The following PPARGC1A variants were observed in gnomAD, a reference collection of about 807,000 sequenced individuals.
PPARGC1A encodes peroxisome proliferator-activated receptor gamma coactivator 1-alpha.
Under a neutral mutation model 88.7 loss-of-function variants are expected in PPARGC1A, and 25 were observed. That is an observed-to-expected ratio of 0.28 (90% CI 0.21 to 0.39). PPARGC1A has a LOEUF of 0.39. PPARGC1A is among the 10% of genes least tolerant of loss of function. PPARGC1A has a pLI of 1.00. For synonymous variants in PPARGC1A, 363 were observed against 355.6 expected (o/e 1.02, Z -0.24); for missense variants, 880 against 968.7 (o/e 0.91, Z 1.22).
At chr4:23,971,461 C>G in the PPARGC1A span, among the ~76,000 whole-genome samples, 1 of 152,124 alleles carries the variant, frequency 6.6e-6, no homozygotes, top group African/African-American at 2.4e-5. Flanking sequence ...GTAGTATTAA[C>G]TCACATGATC....
At chr4:24,392,799 G>A in the PPARGC1A span, among the ~76,000 whole-genome samples, 31 of 152,172 alleles carry the variant, frequency 2.0e-4, 1 homozygote, top group South Asian at 2.3e-3. Context: ...TTGCCTCAGC[G>A]CGCACAGGCT....
chr4:24,287,402 T>C, the PPARGC1A span, among the ~76,000 whole-genome samples: 8 of 152,138 alleles, frequency 5.3e-5, no homozygotes, highest in Non-Finnish European at 1.2e-4. Flanking sequence ...ACTTCTTTAA[T>C]GTTTAAGCCA....
the PPARGC1A span, among the ~76,000 whole-genome samples, chr4:24,420,779 T>C: frequency 2.0e-5 from 3 of 152,118 alleles, no homozygotes; most frequent in Non-Finnish European, 4.4e-5. Flanking sequence ...CCAGATGTCT[T>C]GGTCTGCTTG....
In PPARGC1A at chr4:23,844,728, A is replaced by AAT. The variant is rs1235624037; in HGVS notation, c.235-12979_235-12978dup. On this transcript the variant is annotated intron_variant, in intron 2 of 12. Transcript: ENST00000264867. The stretch of plus-strand genomic sequence containing the variant: ...CATAATATATGATATATATTATTAT[A>AAT]ATATATGATATATCATAATATATGA... Among the ~76,000 whole-genome samples, 6 of 90,596 alleles carry AAT rather than the reference A, an allele frequency of 6.6e-5. No homozygotes were observed. The Admixed American group carries it at 1.0e-3, about 15-fold the overall frequency. The allele number at this position is 90,596 out of a possible 152,430, so 59.4% of individuals were successfully genotyped here.
intron 2 of PPARGC1A, among the ~76,000 whole-genome samples, chr4:23,855,751 A>G (rs1730083790): frequency 6.6e-6 from 1 of 152,172 alleles, no homozygotes; most frequent in Non-Finnish European, 1.5e-5. Context: ...GGGAGAATGT[A>G]AAGCTTCTAC....
chr4:24,180,519 T>C, the PPARGC1A span, among the ~76,000 whole-genome samples: 37 of 152,318 alleles, frequency 2.4e-4, 1 homozygote, highest in African/African-American at 8.7e-4. Flanking sequence ...CTCAGCTATA[T>C]AGAAAAGGCA....
the PPARGC1A span, among the ~76,000 whole-genome samples, chr4:24,147,957 A>G: frequency 2.7e-5 from 4 of 149,930 alleles, no homozygotes; most frequent in Non-Finnish European, 5.9e-5. Flanking sequence ...ACAAACAAAC[A>G]AACAAAAAAA....
chr4:23,873,273 GAA>G (rs140408128), intron 2 of PPARGC1A, among the ~76,000 whole-genome samples: 5,297 of 146,798 alleles, frequency 0.036, 129 homozygotes, highest in Non-Finnish European at 0.051. Flanking sequence ...GGGATGAAAA[GAA>G]AAGTGTTGGT....
the PPARGC1A span, among the ~76,000 whole-genome samples, chr4:24,182,356 CATGGTGT>C: frequency 2.6e-5 from 4 of 152,178 alleles, 1 homozygote. Flanking sequence ...CATAGTATTT[CATGGTGT>C]ATGTGTGCCA....
chr4:24,031,850 C>A, the PPARGC1A span, among the ~76,000 whole-genome samples: 1 of 152,142 alleles, frequency 6.6e-6, no homozygotes, highest in Admixed American at 6.5e-5. Context: ...GAAGACTATC[C>A]CAGTATCCCA....
chr4:24,148,675 T>C, the PPARGC1A span, among the ~76,000 whole-genome samples: 1 of 152,154 alleles, frequency 6.6e-6, no homozygotes, highest in Non-Finnish European at 1.5e-5. Context: ...CCTGGGTAGG[T>C]TCAGGGTCAG....
chr4:24,110,747 T>C, the PPARGC1A span, among the ~76,000 whole-genome samples: 1 of 152,204 alleles, frequency 6.6e-6, no homozygotes, highest in African/African-American at 2.4e-5. Context: ...TGCCCAGCAC[T>C]ATGCAAGCTC....
the PPARGC1A span, among the ~76,000 whole-genome samples, chr4:24,295,719 G>A: frequency 9.4e-5 from 14 of 149,082 alleles, no homozygotes; most frequent in South Asian, 2.1e-4. Flanking sequence ...ACACATATAC[G>A]TATTATATGC....
At chr4:24,019,487 C>T in the PPARGC1A span, among the ~76,000 whole-genome samples, 1 of 152,182 alleles carries the variant, frequency 6.6e-6, no homozygotes, top group Non-Finnish European at 1.5e-5. Flanking sequence ...TCTTCTACTA[C>T]CCTGAGGGTA....
At chr4:24,010,536 C>T in the PPARGC1A span, among the ~76,000 whole-genome samples, 1 of 151,956 alleles carries the variant, frequency 6.6e-6, no homozygotes, top group African/African-American at 2.4e-5. Flanking sequence ...CCTCATAGAA[C>T]TTATGTTCTA....
the PPARGC1A span, among the ~76,000 whole-genome samples, chr4:24,158,862 G>A: frequency 3.9e-5 from 6 of 152,074 alleles, no homozygotes; most frequent in African/African-American, 9.7e-5. Context: ...ATTTATTAAC[G>A]TGTTATATAA....
At chr4:23,905,017 C>T (rs1719873301), upstream of PPARGC1A, among the ~76,000 whole-genome samples, 1 of 152,162 alleles carries the variant, frequency 6.6e-6, no homozygotes. Flanking sequence ...TTCTCCCTCG[C>T]AGCTTTAATT....
the PPARGC1A span, among the ~76,000 whole-genome samples, chr4:24,454,727 G>GA: frequency 1.4e-5 from 2 of 143,694 alleles, no homozygotes; most frequent in Non-Finnish European, 3.0e-5. Flanking sequence ...GATAGAAAGA[G>GA]ACCTTGTCTC....
the PPARGC1A span, among the ~76,000 whole-genome samples, chr4:24,356,549 G>T: frequency 6.6e-6 from 1 of 152,166 alleles, no homozygotes; most frequent in African/African-American, 2.4e-5. Flanking sequence ...ACTTTTAAGT[G>T]ACCAAGTGTA....
Sources: allele counts gnomAD v4.1 joint callset (sites outside exome capture counted in the v4.1 genomes callset), GRCh38; gene constraint gnomAD v4.1.1; transcripts MANE v1.5; gene names NCBI Gene and HGNC (gene_info 2026-07-23, HGNC 2026-07-21).